The following RNGTT variants were observed in gnomAD, a reference collection of about 807,000 sequenced individuals.
RNGTT encodes RNA guanylyltransferase and 5'-phosphatase, also known as mRNA-capping enzyme.
In RNGTT, 33 loss-of-function variants were observed where a neutral mutation model predicts 79.3. The observed-to-expected ratio is 0.42, with a 90% CI of 0.32 to 0.56. The LOEUF (loss-of-function observed/expected upper bound fraction) is 0.56. Ranked by LOEUF, RNGTT falls within the 20% of genes least tolerant of loss-of-function variation. The probability of loss-of-function intolerance (pLI) is 0.17; values close to 1 mark genes in which losing one functional copy is unlikely to be tolerated. For missense variants in RNGTT, 497 were observed against 739.1 expected, an observed-to-expected ratio of 0.67 and a Z score of 3.80; for synonymous variants, 222 against 235.9, an observed-to-expected ratio of 0.94 and a Z score of 0.54.
chr6:88,610,817 T>C lies in RNGTT; in HGVS notation c.*1902A>G, dbSNP rs1223658130. 1 of 152,236 alleles carries C rather than the reference T, an allele frequency of 6.6e-6. No individual in the cohort carries two copies. The highest frequency in any genetic ancestry group is 1.5e-5 in the Non-Finnish European group (1 of 68,050). The allele number at this position is 152,236 out of a possible 1,614,324, so 9.4% of individuals were successfully genotyped here. On this transcript the variant is annotated 3_prime_UTR_variant, in exon 16 of 16. Transcript: ENST00000369485. ...AACATTTTAACTCCATTAAAGATCA[T>C]TGGCAAAAGCTTGCTTTCGTATCTG...
chr6:88,679,596 G>T (rs1363226116), intron 13 of RNGTT, among the ~76,000 whole-genome samples: 2 of 152,116 alleles, frequency 1.3e-5, no homozygotes, highest in African/African-American at 4.8e-5. Flanking sequence ...AATGGTAATG[G>T]TTATGGTCTC....
Position 88,764,603 on chromosome 6 carries a change from C to G in RNGTT, c.1439+5171G>C, listed in dbSNP as rs547617865. On this transcript the variant is annotated intron_variant, in intron 13 of 15. Transcript: ENST00000369485. ...GATGCTTCAATAAAATTATTATACA[C>G]ATACTTTTACATATTCTTATTTGTT... Among the ~76,000 whole-genome samples, 3 of 152,274 alleles carry G rather than the reference C, an allele frequency of 2.0e-5. No individual in the cohort carries two copies. In the South Asian group the frequency reaches 6.2e-4, roughly 32 times the overall value.
At chr6:88,620,391 T>G (rs921192736) in intron 14 of RNGTT, among the ~76,000 whole-genome samples, 29 of 152,094 alleles carry the variant, frequency 1.9e-4, no homozygotes, top group African/African-American at 7.0e-4. Flanking sequence ...ATAGCTATTA[T>G]TTCATAGAAA....
chr6:88,649,426 C>A (rs1363162187), intron 14 of RNGTT, among the ~76,000 whole-genome samples: 1 of 152,170 alleles, frequency 6.6e-6, no homozygotes, highest in African/African-American at 2.4e-5. Context: ...TAGCCGGGCG[C>A]GGTGGCTCAC....
chr6:88,806,462 G>A (rs568667820), intron 11 of RNGTT, among the ~76,000 whole-genome samples: 29 of 151,640 alleles, frequency 1.9e-4, no homozygotes, highest in Middle Eastern at 3.4e-3. Context: ...GATTACAGGC[G>A]CGCACCACCA....
chr6:88,802,365 A>G (rs945808783), intron 11 of RNGTT, among the ~76,000 whole-genome samples: 2 of 152,230 alleles, frequency 1.3e-5, no homozygotes, highest in Non-Finnish European at 2.9e-5. Context: ...TTTCAATGCC[A>G]TATCAACAGA....
intron 13 of RNGTT, among the ~76,000 whole-genome samples, chr6:88,701,210 A>T (rs1775934422): frequency 6.6e-6 from 1 of 152,106 alleles, no homozygotes; most frequent in African/African-American, 2.4e-5. Context: ...AGCAAAGATG[A>T]GTAACATGAA....
At chr6:88,752,455 AAT>A (rs755825981) in intron 13 of RNGTT, among the ~76,000 whole-genome samples, 1 of 152,122 alleles carries the variant, frequency 6.6e-6, no homozygotes, top group Non-Finnish European at 1.5e-5. Flanking sequence ...GCTAAATCTT[AAT>A]AGAGCAAACT....
intron 14 of RNGTT, among the ~76,000 whole-genome samples, chr6:88,647,331 A>G (rs1773605358): frequency 6.6e-6 from 1 of 152,204 alleles, no homozygotes; most frequent in Admixed American, 6.5e-5. Context: ...AAAATTGTGA[A>G]GTTTCTGAAA....
intron 12 of RNGTT, among the ~76,000 whole-genome samples, chr6:88,777,103 T>C (rs1169357619): frequency 6.6e-6 from 1 of 152,200 alleles, no homozygotes; most frequent in African/African-American, 2.4e-5. Flanking sequence ...ACTGAAAAGA[T>C]TATCTTCTCC....
chr6:88,794,388 T>C (rs1305696859), intron 12 of RNGTT, among the ~76,000 whole-genome samples: 1 of 152,198 alleles, frequency 6.6e-6, no homozygotes, highest in Non-Finnish European at 1.5e-5. Context: ...AAAATACCTA[T>C]AAATTTAAAA....
At chr6:88,898,659 CTGTG>C (rs956341739) in intron 6 of RNGTT, among the ~76,000 whole-genome samples, 16 of 147,150 alleles carry the variant, frequency 1.1e-4, no homozygotes, top group African/African-American at 4.0e-4. Context: ...AGTATATATA[CTGTG>C]TGTGTGTGTG....
chr6:88,707,615 G>A (rs1313657363), intron 13 of RNGTT, among the ~76,000 whole-genome samples: 1 of 151,576 alleles, frequency 6.6e-6, no homozygotes, highest in African/African-American at 2.4e-5. Context: ...TAATGTCAGT[G>A]CCTGTTTCCC....
intron 13 of RNGTT, among the ~76,000 whole-genome samples, chr6:88,713,140 C>T (rs1475697225): frequency 6.6e-6 from 1 of 152,060 alleles, no homozygotes; most frequent in Middle Eastern, 3.2e-3. Flanking sequence ...GGTGGTGGGG[C>T]CTTTGTGATG....
At chr6:88,770,669 T>C (rs762646866) in intron 12 of RNGTT, among the ~76,000 whole-genome samples, 1 of 152,224 alleles carries the variant, frequency 6.6e-6, no homozygotes, top group Non-Finnish European at 1.5e-5. Context: ...AATGACTGTA[T>C]CACATGGCAA....
Position 88,824,748 on chromosome 6 carries a change from CTTT to C in RNGTT, c.1269+19606_1269+19608del, listed in dbSNP as rs59203172. Reference sequence around the variant, plus strand: ...AATAAATTGAAAACACGTTTGTTTTCTTTTTTTTTTTTTTTTTCTTTTTGGAGA... The same window carrying C: ...AATAAATTGAAAACACGTTTGTTTTCTTTTTTTTTTTTTTCTTTTTGGAGA... On this transcript the variant is annotated intron_variant, in intron 11 of 15. Coordinates refer to ENST00000369485, the MANE Select transcript of RNGTT (RefSeq NM_003800.5). 6.6e-3 allele frequency among the ~76,000 whole-genome samples: 897 copies of C among 135,852 alleles called. 14 individuals are homozygous for C. The highest frequency in any genetic ancestry group is 0.022 in the African/African-American group (810 of 37,312). 89.1% of individuals were successfully genotyped at this position (135,852 alleles called of 152,430 possible).
intron 13 of RNGTT, among the ~76,000 whole-genome samples, chr6:88,691,401 T>C (rs1775476950): frequency 6.6e-6 from 1 of 152,162 alleles, no homozygotes; most frequent in African/African-American, 2.4e-5. Flanking sequence ...TAGTTCTTTA[T>C]AGCAATGCAA....
intron 14 of RNGTT, among the ~76,000 whole-genome samples, chr6:88,666,123 AG>A (rs1343829499): frequency 6.6e-6 from 1 of 152,158 alleles, no homozygotes; most frequent in African/African-American, 2.4e-5. Context: ...CAAGTTACAA[AG>A]GGGGGTGACA....
At chr6:88,642,106 TAG>T (rs1773344987) in intron 14 of RNGTT, among the ~76,000 whole-genome samples, 1 of 152,064 alleles carries the variant, frequency 6.6e-6, no homozygotes, top group South Asian at 2.1e-4. Flanking sequence ...CAGGAGGGTG[TAG>T]AGATACCTTT....
Sources: gnomAD v4.1 joint callset for allele counts (sites outside exome capture counted in the v4.1 genomes callset) on GRCh38, gnomAD v4.1.1 for gene constraint, MANE v1.5 for transcripts, NCBI Gene and HGNC (gene_info 2026-07-23, HGNC 2026-07-21) for gene names.